Variants in KRT82 observed in about 807,000 individuals in gnomAD.
The protein encoded by KRT82 is keratin 82, also known as keratin, type II cuticular Hb2.
A neutral mutation model predicts 48.0 loss-of-function variants in KRT82; 44 were observed. The ratio of observed to expected loss-of-function variants is 0.92; its 90% CI spans 0.72 to 1.18. KRT82 has a LOEUF of 1.18. KRT82 is among the 50% of genes most tolerant of loss of function. The probability of loss-of-function intolerance (pLI) is 0.00; values close to 1 mark genes in which losing one functional copy is unlikely to be tolerated. For synonymous variants in KRT82, 297 were observed against 278.3 expected (o/e 1.07, Z -0.67); for missense variants, 701 against 671.4 (o/e 1.04, Z -0.49).
At chr12:52,404,119 T>C (rs1431349528) in intron 1 of KRT82, among the ~76,000 whole-genome samples, 1 of 152,190 alleles carries the variant, frequency 6.6e-6, no homozygotes, top group Non-Finnish European at 1.5e-5. Flanking sequence ...GGACCCCTAC[T>C]TTCCACTCAG....
chr12:52,394,099 A>T lies in KRT82; in HGVS notation c.*876T>A, dbSNP rs1346359656. The T allele has an allele frequency of 6.6e-6, 1 of 152,324 alleles. No individual in the cohort carries two copies. Among genetic ancestry groups the T allele is most frequent in the Non-Finnish European group, 1.5e-5 (1 of 68,108 alleles). 9.4% of individuals were successfully genotyped at this position (152,324 alleles called of 1,614,324 possible). On this transcript the variant is annotated 3_prime_UTR_variant, in exon 9 of 9. Coordinates refer to ENST00000257974, the MANE Select transcript of KRT82 (RefSeq NM_033033.4). Reference sequence around the variant, plus strand: ...ATGAGCTCCTGAGCCAGGGCCTCCAAGTCAGCTGGGGCAGCCCCACATCAC... The same window carrying T: ...ATGAGCTCCTGAGCCAGGGCCTCCATGTCAGCTGGGGCAGCCCCACATCAC...
chr12:52,400,489 AG>A, intron 4 of KRT82, 37 bp downstream of exon 4: 1 of 1,507,044 alleles, frequency 6.6e-7, no homozygotes, highest in Non-Finnish European at 9.2e-7. Flanking sequence ...CCTTGGCTCC[AG>A]CCCTGACTAA....
Position 52,403,867 on chromosome 12 carries a change from A to C in KRT82, c.454T>G (p.Trp152Gly). The C allele has an allele frequency of 6.2e-7, 1 of 1,613,952 alleles. No homozygotes were observed. Among genetic ancestry groups the C allele is most frequent in the Non-Finnish European group, 8.5e-7 (1 of 1,180,004 alleles). Residue 152 changes from tryptophan (W) to glycine (G), a missense_variant, in exon 2 of 9, where the codon TGG becomes GGG. Physicochemically the swap from Trp to Gly is radical, Grantham distance 184. Transcript: ENST00000257974. The stretch of plus-strand genomic sequence containing the variant: ...CACCTCTGCTGCTGCATGAAGTTCC[A>C]CTTGGTCTCCAGCAGCTTGTTCTTC... ...EQKNKLLETK[W>G]NFMQQQRCCQ...
At chr12:52,398,091 G>GA (rs1459292517) in intron 5 of KRT82, among the ~76,000 whole-genome samples, 1 of 152,004 alleles carries the variant, frequency 6.6e-6, no homozygotes, top group Non-Finnish European at 1.5e-5. Context: ...AACAGCAACA[G>GA]AAAAAACCCA....
chr12:52,401,151 G>A, intron 3 of KRT82, 138 bp downstream of exon 3: 2 of 650,810 alleles, frequency 3.1e-6, no homozygotes, highest in Non-Finnish European at 5.4e-6. Flanking sequence ...AGTGGGGCTG[G>A]CACAGGAGTC....
intron 5 of KRT82, among the ~76,000 whole-genome samples, chr12:52,399,530 C>G (rs1197865533): frequency 6.6e-6 from 1 of 152,242 alleles, no homozygotes; most frequent in Non-Finnish European, 1.5e-5. Flanking sequence ...TCCAAGCAAG[C>G]CCCTAATTAT....
chr12:52,399,510 C>T (rs1251206077), intron 5 of KRT82, among the ~76,000 whole-genome samples: 2 of 152,162 alleles, frequency 1.3e-5, no homozygotes, highest in South Asian at 2.1e-4. Flanking sequence ...CCCTTAGGGC[C>T]CCCCTGCCCT....
chr12:52,406,308 C>A lies in KRT82; in HGVS notation c.-31G>T. On this transcript the variant is annotated 5_prime_UTR_variant, in exon 1 of 9. In the 5' UTR this introduces an upstream ATG that the reference lacks. Coordinates refer to ENST00000257974, the MANE Select transcript of KRT82 (RefSeq NM_033033.4). ...GAGAGAGAGGCAGAGAAATGCGGCC[C>A]TGGAGGAAAGAACCGGGGCAGGATG... 2 of 1,538,152 alleles carry A rather than the reference C, an allele frequency of 1.3e-6. No homozygotes were observed. The highest frequency in any genetic ancestry group is 2.3e-5 in the East Asian group (1 of 43,974).
chr12:52,403,715 C>T lies in KRT82; in HGVS notation c.606G>A (p.Glu202=). ...SELCSLQAAL[E]GYKKKYEEEL... Reference sequence around the variant, plus strand: ...CACTGACTCACTTTTTCTTGTAGCCCTCCAGTGCAGCCTGGAGGCTGCAGA... The same window carrying T: ...CACTGACTCACTTTTTCTTGTAGCCTTCCAGTGCAGCCTGGAGGCTGCAGA... The change falls in exon 2 of 9, where the codon GAG becomes GAA. Residue 202 remains glutamate, a synonymous_variant. Coordinates refer to ENST00000257974, the MANE Select transcript of KRT82 (RefSeq NM_033033.4). 6.2e-7 allele frequency: 1 copy of T among 1,608,198 alleles called. No homozygotes were observed. The highest frequency in any genetic ancestry group is 8.5e-7 in the Non-Finnish European group (1 of 1,175,638).
chr12:52,395,284 C>T, intron 8 of KRT82, 89 bp from the exon 9 acceptor site: 1 of 1,007,752 alleles, frequency 9.9e-7, no homozygotes, highest in South Asian at 1.5e-5. Flanking sequence ...CCATTCCTCC[C>T]ACCTCCTGCC....
rs1484135929 is a variant in KRT82 at position 52,406,327 on chromosome 12, C to A, written c.-50G>T. ...GCGGCCCTGGAGGAAAGAACCGGGG[C>A]AGGATGATCAAGTCAGGCTCAGCTT... is the stretch of plus-strand genomic sequence containing the variant. On this transcript the variant is annotated 5_prime_UTR_variant, in exon 1 of 9. Coordinates refer to ENST00000257974, the MANE Select transcript of KRT82 (RefSeq NM_033033.4). 2.0e-6 allele frequency: 3 copies of A among 1,491,708 alleles called. No individual in the cohort carries two copies. Among genetic ancestry groups the A allele is most frequent in the African/African-American group, 1.4e-5 (1 of 71,766 alleles). 92.4% of individuals were successfully genotyped at this position (1,491,708 alleles called of 1,614,324 possible). A position where few individuals can be genotyped will look rare whatever the true frequency, so the allele number is the denominator to read the frequency against.
intron 2 of KRT82, among the ~76,000 whole-genome samples, chr12:52,402,993 C>A (rs1939809179): frequency 6.6e-6 from 1 of 152,216 alleles, no homozygotes; most frequent in South Asian, 2.1e-4. Context: ...CCATGGGGCA[C>A]TCAGCCCGGG....
intron 1 of KRT82, 128 bp from the exon 2 acceptor site, chr12:52,404,037 A>G (rs1288004834): frequency 8.6e-6 from 7 of 811,408 alleles, no homozygotes; most frequent in African/African-American, 1.7e-5. Context: ...ATTTGCAAAA[A>G]TCAGGGTCTC....
At chr12:52,399,932 T>C in intron 5 of KRT82, 53 bp downstream of exon 5, 1 of 1,578,282 alleles carries the variant, frequency 6.3e-7, no homozygotes, top group Non-Finnish European at 8.7e-7. Context: ...GGTCCTCCCC[T>C]CCCCTGGTTT....
chr12:52,406,224 GCTGAAACT>G lies in KRT82; in HGVS notation c.46_53del (p.Ser16LeufsTer26). On this transcript the variant is annotated frameshift_variant, in exon 1 of 9. Transcript: ENST00000257974. LOFTEE classifies it high-confidence loss of function. Reference sequence around the variant, plus strand: ...TCCGGGGCATGACAGCCGAGTATGAGCTGAAACTCTGACTGCCACACCTGGAGCCTGGC... The same window carrying G: ...TCCGGGGCATGACAGCCGAGTATGAGCTGACTGCCACACCTGGAGCCTGGC... 1 of 1,610,926 alleles carries G rather than the reference GCTGAAACT, an allele frequency of 6.2e-7. No homozygotes were observed. The highest frequency in any genetic ancestry group is 8.5e-7 in the Non-Finnish European group (1 of 1,178,168).
rs61644876 is a variant in KRT82, at chr12:52,395,167, C to T, written c.1350G>A (p.Leu450=). Residue 450 remains leucine (L), a synonymous_variant, in exon 9 of 9, where the codon CTG becomes CTA. Transcript: ENST00000257974. ...GCGTGCTGACCCCACATGGCTCGTA[C>T]AGGAAGGCGCCTTTGGAGCTGCTCA... is the stretch of plus-strand genomic sequence containing the variant. The part of the protein sequence containing the change: ...ISVSSSKGAF[L]YEPCGVSTPV... The T allele has an allele frequency of 2.5e-6, 4 of 1,613,926 alleles. No homozygotes were observed. The East Asian group carries it at 8.9e-5, about 36-fold the overall frequency.
intron 5 of KRT82, 48 bp from the exon 6 acceptor site, chr12:52,397,056 T>C: frequency 6.2e-7 from 1 of 1,600,406 alleles, no homozygotes; most frequent in Non-Finnish European, 8.5e-7. Flanking sequence ...AGATGGCATC[T>C]CCTAGCCTCT....
At chr12:52,395,238 G>A (rs1156864887) in intron 8 of KRT82, 43 bp from the exon 9 acceptor site, 1 of 1,539,976 alleles carries the variant, frequency 6.5e-7, no homozygotes, top group Non-Finnish European at 8.9e-7. Context: ...ACACGGTGTG[G>A]CTCTCAGTGT....
At chr12:52,395,715 C>A (rs1329907537) in intron 8 of KRT82, 44 bp downstream of exon 8, 1 of 1,495,996 alleles carries the variant, frequency 6.7e-7, no homozygotes, top group African/African-American at 1.4e-5. Flanking sequence ...GGGTGATCAA[C>A]CCCCAAGACT....
Sources: allele counts gnomAD v4.1 joint callset (sites outside exome capture counted in the v4.1 genomes callset), GRCh38; gene constraint gnomAD v4.1.1; transcripts MANE v1.5; gene names NCBI Gene and HGNC (gene_info 2026-07-23, HGNC 2026-07-21).